Variants in CNTN1 observed in about 807,000 individuals in gnomAD.
The protein encoded by CNTN1 is contactin-1.
CNTN1 carries 38 observed loss-of-function variants against 126.4 expected under a neutral mutation model. The observed-to-expected ratio is 0.30, with a 90% CI of 0.23 to 0.39. CNTN1 has a LOEUF of 0.39. Ranked by LOEUF, CNTN1 falls within the 10% of genes least tolerant of loss-of-function variation. The pLI is 1.00. For synonymous variants in CNTN1, 413 were observed against 422.6 expected (o/e 0.98, Z 0.28); for missense variants, 1,009 against 1,248.4 (o/e 0.81, Z 2.89).
intron 1 of CNTN1, among the ~76,000 whole-genome samples, chr12:40,758,739 A>T (rs1938710951): frequency 6.6e-6 from 1 of 152,170 alleles, no homozygotes; most frequent in African/African-American, 2.4e-5. Context: ...CCACTTATAT[A>T]TAACTTACCT....
intron 1 of CNTN1, among the ~76,000 whole-genome samples, chr12:40,783,165 A>C (rs1200430039): frequency 6.6e-6 from 1 of 151,966 alleles, no homozygotes; most frequent in African/African-American, 2.4e-5. Context: ...AGTCGAGTGA[A>C]GAATAGAGTC....
rs1233129089 is a variant in CNTN1 at position 40,937,623 on chromosome 12, G to A, written c.1164G>A (p.Met388Ile). ...ATGTGACTTTTGAAAATGCCGGAAT[G>A]TATCAGTGCATAGCTGAAAACACAT... Reference protein sequence around the residue: ...LYDVTFENAGMYQCIAENTYG... With the variant: ...LYDVTFENAGIYQCIAENTYG... The change falls in exon 11 of 24, where the codon ATG becomes ATA. Residue 388 changes from methionine to isoleucine, a missense_variant. By Grantham distance (10) the Met-to-Ile change is conservative. Transcript: ENST00000551295. 1.2e-6 allele frequency: 2 copies of A among 1,613,276 alleles called. No individual in the cohort carries two copies. The highest frequency in any genetic ancestry group is 1.7e-6 in the Non-Finnish European group (2 of 1,179,394).
At chr12:40,824,235 T>G (rs1941538565) in intron 1 of CNTN1, among the ~76,000 whole-genome samples, 1 of 152,134 alleles carries the variant, frequency 6.6e-6, no homozygotes, top group Admixed American at 6.6e-5. Context: ...CCTGATAAAT[T>G]GTCCATTGCA....
At chr12:40,707,248 TTTTTTTTTTTTTTTTTTTG>T (rs1941788372) in intron 1 of CNTN1, among the ~76,000 whole-genome samples, 3 of 121,610 alleles carry the variant, frequency 2.5e-5, no homozygotes, top group African/African-American at 9.6e-5. Context: ...TTTTTTTTTT[TTTTTTTTTTTTTTTTTTTG>T]AGACGGAGTC....
chr12:40,936,134 CA>C (rs924626049), intron 9 of CNTN1, among the ~76,000 whole-genome samples: 24 of 152,084 alleles, frequency 1.6e-4, no homozygotes, highest in African/African-American at 5.3e-4. Context: ...AAATTTTTAG[CA>C]TTTTCTCATT....
At chr12:40,928,932 G>C (rs1945788178) in intron 6 of CNTN1, among the ~76,000 whole-genome samples, 1 of 151,894 alleles carries the variant, frequency 6.6e-6, no homozygotes, top group Non-Finnish European at 1.5e-5. Flanking sequence ...TATCTAGTCT[G>C]ACCTAGAGAG....
chr12:40,817,236 T>C (rs1941286071), intron 1 of CNTN1, among the ~76,000 whole-genome samples: 1 of 152,180 alleles, frequency 6.6e-6, no homozygotes, highest in African/African-American at 2.4e-5. Flanking sequence ...TGCCTAATGC[T>C]GACAGTGGGG....
At chr12:40,978,808 A>C (rs1947749107) in intron 15 of CNTN1, 1 of 152,206 alleles carries the variant, frequency 6.6e-6, no homozygotes, top group South Asian at 2.1e-4. Flanking sequence ...GTTAATGACT[A>C]ACCTATGATA....
intron 1 of CNTN1, chr12:40,763,104 C>G (rs1938931037): frequency 6.6e-6 from 1 of 152,442 alleles, no homozygotes; most frequent in East Asian, 1.9e-4. Flanking sequence ...AGCCATGTGA[C>G]AAATCTGCAG....
intron 17 of CNTN1, among the ~76,000 whole-genome samples, chr12:41,010,982 C>T (rs905572770): frequency 6.6e-6 from 1 of 152,208 alleles, no homozygotes; most frequent in East Asian, 1.9e-4. Context: ...TGTTGTTCAT[C>T]GCCAGAATTT....
intron 10 of CNTN1, among the ~76,000 whole-genome samples, chr12:40,937,172 A>G (rs1946110640): frequency 6.6e-6 from 1 of 151,264 alleles, no homozygotes; most frequent in African/African-American, 2.4e-5. Flanking sequence ...CTACTCATCC[A>G]TCTCCAATAC....
intron 1 of CNTN1, among the ~76,000 whole-genome samples, chr12:40,799,133 A>G (rs1928549): frequency 0.24 from 35,800 of 151,276 alleles, 4,829 homozygotes; most frequent in South Asian, 0.35. Context: ...ATATAGGAAA[A>G]TACCAGTCAC....
At chr12:40,970,125 C>G (rs1354538415) in intron 15 of CNTN1, among the ~76,000 whole-genome samples, 1 of 151,868 alleles carries the variant, frequency 6.6e-6, no homozygotes, top group Non-Finnish European at 1.5e-5. Context: ...ACTTGGAGGA[C>G]CACTATTTGA....
At chr12:40,899,592 C>A (rs1308877189) in intron 1 of CNTN1, among the ~76,000 whole-genome samples, 1 of 152,122 alleles carries the variant, frequency 6.6e-6, no homozygotes, top group Admixed American at 6.6e-5. Flanking sequence ...ACGTGTGGCC[C>A]TGGAACACAT....
At chr12:40,983,562 T>G (rs896166739) in intron 16 of CNTN1, among the ~76,000 whole-genome samples, 2 of 151,766 alleles carry the variant, frequency 1.3e-5, no homozygotes, top group African/African-American at 2.4e-5. Context: ...ACTATACATG[T>G]GTATATTCAA....
At chr12:40,920,876 G>A (rs541729794) in intron 4 of CNTN1, among the ~76,000 whole-genome samples, 2 of 152,314 alleles carry the variant, frequency 1.3e-5, no homozygotes, top group South Asian at 2.1e-4. Context: ...ACAGAAAAAG[G>A]TAATCCTTAT....
intron 1 of CNTN1, among the ~76,000 whole-genome samples, chr12:40,878,418 G>A (rs1243144305): frequency 6.6e-6 from 1 of 151,958 alleles, no homozygotes; most frequent in Non-Finnish European, 1.5e-5. Context: ...AGGGCAAAAT[G>A]GTCTAGACTT....
intron 1 of CNTN1, among the ~76,000 whole-genome samples, chr12:40,713,478 T>C (rs1248331823): frequency 6.6e-6 from 1 of 151,276 alleles, no homozygotes; most frequent in Non-Finnish European, 1.5e-5. Context: ...AAATGCAGAA[T>C]AAACTTACTC....
intron 16 of CNTN1, among the ~76,000 whole-genome samples, chr12:40,986,929 C>T (rs2044824691): frequency 6.6e-6 from 1 of 152,116 alleles, no homozygotes; most frequent in Non-Finnish European, 1.5e-5. Flanking sequence ...AGAAGTTAAA[C>T]TGTTTTCTTC....
Sources: gnomAD v4.1 joint callset for allele counts (sites outside exome capture counted in the v4.1 genomes callset) on GRCh38, gnomAD v4.1.1 for gene constraint, MANE v1.5 for transcripts, NCBI Gene and HGNC (gene_info 2026-07-23, HGNC 2026-07-21) for gene names.